CNGB3: variants seen among roughly 807,000 people sequenced by gnomAD.
CNGB3 encodes the protein cyclic nucleotide gated channel subunit beta 3.
In CNGB3, 86 loss-of-function variants were observed where a neutral mutation model predicts 92.8. The ratio of observed to expected loss-of-function variants is 0.93; its 90% CI spans 0.78 to 1.11. CNGB3 has a LOEUF of 1.11. Among genes scored for constraint, CNGB3 ranks in the 50% least tolerant of loss-of-function variants. The pLI is 0.00. For synonymous variants in CNGB3, 333 were observed against 332.7 expected (o/e 1.00, Z -0.01); for missense variants, 1,026 against 956.8 (o/e 1.07, Z -0.95).
chr8:86,684,839 G>A (rs1303195889), intron 3 of CNGB3, among the ~76,000 whole-genome samples: 1 of 152,078 alleles, frequency 6.6e-6, no homozygotes, highest in African/African-American at 2.4e-5. Flanking sequence ...TCAGGTTTTG[G>A]TGTGGTTATA....
intron 4 of CNGB3, 49 bp from the exon 5 acceptor site, chr8:86,668,217 G>A (rs747554067): frequency 2.5e-6 from 4 of 1,592,422 alleles, no homozygotes; most frequent in Admixed American, 1.7e-5. Context: ...GGTTAAGTTA[G>A]TTTAGTTAAA....
rs1313092435 is a variant in CNGB3 at position 86,574,493 on chromosome 8, C to T, written c.*1311G>A. 1.3e-5 allele frequency: 2 copies of T among 152,160 alleles called. No homozygotes were observed. Among genetic ancestry groups the T allele is most frequent in the Non-Finnish European group, 1.5e-5 (1 of 68,024 alleles). The allele number at this position is 152,160 out of a possible 1,614,324, so 9.4% of individuals were successfully genotyped here. A position where few individuals can be genotyped will look rare whatever the true frequency, so the allele number is the denominator to read the frequency against. On this transcript the variant is annotated 3_prime_UTR_variant, in exon 18 of 18. Transcript: ENST00000320005. Reference sequence around the variant, plus strand: ...GATACTCTAACACTACATGCAAAAACGGTGACTCTATCAAATGATGCAGTT... The same window carrying T: ...GATACTCTAACACTACATGCAAAAATGGTGACTCTATCAAATGATGCAGTT...
At chr8:86,713,651 C>G (rs1174718475) in intron 3 of CNGB3, among the ~76,000 whole-genome samples, 1 of 152,102 alleles carries the variant, frequency 6.6e-6, no homozygotes, top group Non-Finnish European at 1.5e-5. Flanking sequence ...TGCATGCTCT[C>G]TCTGTCATCT....
chr8:86,606,758 T>C (rs146397200), intron 14 of CNGB3, among the ~76,000 whole-genome samples: 238 of 152,304 alleles, frequency 1.6e-3, no homozygotes, highest in African/African-American at 5.6e-3. Context: ...TATTTAACAA[T>C]TGGCAGTCGA....
intron 3 of CNGB3, among the ~76,000 whole-genome samples, chr8:86,718,257 T>G (rs970549488): frequency 3.3e-5 from 5 of 151,928 alleles, no homozygotes; most frequent in African/African-American, 1.2e-4. Flanking sequence ...TAAATAAAAT[T>G]CACAGAACAT....
intron 3 of CNGB3, among the ~76,000 whole-genome samples, chr8:86,678,140 C>A (rs1481986614): frequency 6.6e-6 from 1 of 151,952 alleles, no homozygotes; most frequent in Non-Finnish European, 1.5e-5. Flanking sequence ...TTTTCTTTTG[C>A]CATGTTTAGG....
chr8:86,677,848 TAAC>T (rs1222178271), intron 3 of CNGB3, among the ~76,000 whole-genome samples: 10 of 152,318 alleles, frequency 6.6e-5, no homozygotes, highest in Non-Finnish European at 1.3e-4. Flanking sequence ...CCATTTGTCT[TAAC>T]AAGTATTTTG....
intron 9 of CNGB3, 125 bp downstream of exon 9, chr8:86,644,497 A>G: frequency 7.8e-7 from 1 of 1,279,438 alleles, no homozygotes. Flanking sequence ...CCTATATTTT[A>G]TATAGCCAAA....
chr8:86,676,093 T>C (rs1284882603), intron 3 of CNGB3, among the ~76,000 whole-genome samples: 1 of 152,118 alleles, frequency 6.6e-6, no homozygotes. Flanking sequence ...AAGAGAACAT[T>C]TATAAGACGT....
chr8:86,643,845 A>G lies in CNGB3; in HGVS notation c.1084T>C (p.Phe362Leu). The change falls in exon 10 of 18, where the codon TTT (phenylalanine) becomes CTT (leucine). Residue 362 changes from phenylalanine to leucine, a missense_variant. Phe to Leu is a conservative substitution (Grantham distance 22, BLOSUM62 0). Coordinates refer to ENST00000320005, the MANE Select transcript of CNGB3 (RefSeq NM_019098.5). ...ACACAGGCATTAATGTGCAGAATAA[A>G]CAGCAAGTATCCAGTTGTTCGAATA... ...RVIRTTGYLL[F>L]ILHINACVYY... 2 of 1,607,200 alleles carry G rather than the reference A, an allele frequency of 1.2e-6. No individual in the cohort carries two copies. The highest frequency in any genetic ancestry group is 1.1e-5 in the South Asian group (1 of 90,916).
chr8:86,635,851 T>TAC (rs1350760375), intron 10 of CNGB3, among the ~76,000 whole-genome samples: 12 of 76,456 alleles, frequency 1.6e-4, no homozygotes, highest in African/African-American at 5.6e-4. Flanking sequence ...TATATATATA[T>TAC]ATATATATAT....
At chr8:86,625,949 A>G in intron 13 of CNGB3, 34 bp downstream of exon 13, 1 of 1,508,780 alleles carries the variant, frequency 6.6e-7, no homozygotes, top group Non-Finnish European at 9.2e-7. Context: ...ATAGAGAAAT[A>G]GATACAGAGT....
chr8:86,649,067 T>C (rs896346631), intron 7 of CNGB3, among the ~76,000 whole-genome samples: 2 of 151,222 alleles, frequency 1.3e-5, no homozygotes, highest in African/African-American at 4.8e-5. Flanking sequence ...TTACAACAAC[T>C]GTAAAACAAC....
At position 86,629,013 on chromosome 8, in the gene CNGB3, G is replaced by A; in HGVS notation, c.1386C>T (p.Thr462=). The A allele has an allele frequency of 6.2e-7, 1 of 1,614,020 alleles. No homozygotes were observed. The change falls in exon 12 of 18, where the codon ACC becomes ACT. Residue 462 remains threonine (T), a synonymous_variant. Transcript: ENST00000320005. ...QNYFRACMDD[T]IAYMNNYSIP... ...TGGAGTAATTGTTCATGTAGGCAATGGTGTCATCCATGCAGGCGCGGAAGT... is the reference window on the plus strand; with the variant it reads ...TGGAGTAATTGTTCATGTAGGCAATAGTGTCATCCATGCAGGCGCGGAAGT...
chr8:86,584,878 C>T (rs1821862581), intron 15 of CNGB3, among the ~76,000 whole-genome samples: 2 of 152,150 alleles, frequency 1.3e-5, no homozygotes, highest in African/African-American at 2.4e-5. Context: ...TAAGTGCCTA[C>T]CATGTATTCA....
At chr8:86,691,623 T>C (rs1342801339) in intron 3 of CNGB3, among the ~76,000 whole-genome samples, 2 of 152,194 alleles carry the variant, frequency 1.3e-5, no homozygotes, top group Non-Finnish European at 2.9e-5. Context: ...ATCTCTTCTT[T>C]TCTTGGTTAA....
chr8:86,703,226 A>G (rs1034476640), intron 3 of CNGB3, among the ~76,000 whole-genome samples: 1 of 151,414 alleles, frequency 6.6e-6, no homozygotes, highest in Non-Finnish European at 1.5e-5. Flanking sequence ...ATATCCAAAT[A>G]TTTATAATAA....
At chr8:86,665,899 T>TG (rs1474916676) in intron 6 of CNGB3, among the ~76,000 whole-genome samples, 3 of 152,100 alleles carry the variant, frequency 2.0e-5, no homozygotes, top group Non-Finnish European at 4.4e-5. Context: ...AAATAAAAAT[T>TG]GGGGAAAAAA....
intron 3 of CNGB3, among the ~76,000 whole-genome samples, chr8:86,702,031 C>G (rs2131647623): frequency 6.6e-6 from 1 of 152,092 alleles, no homozygotes. Context: ...TATGGACAGC[C>G]CTGTATTCTT....
Sources: allele counts gnomAD v4.1 joint callset (sites outside exome capture counted in the v4.1 genomes callset), GRCh38; gene constraint gnomAD v4.1.1; transcripts MANE v1.5; gene names NCBI Gene and HGNC (gene_info 2026-07-23, HGNC 2026-07-21).